Variants in AMOTL2 observed in about 807,000 individuals in gnomAD.
AMOTL2 encodes the protein angiomotin like 2, also known as angiomotin-like protein 2.
In AMOTL2, 33 loss-of-function variants were observed where a neutral mutation model predicts 78.4. The observed-to-expected ratio is 0.42, with a 90% CI of 0.32 to 0.56. The LOEUF (loss-of-function observed/expected upper bound fraction) is 0.56, where lower values mean the gene tolerates loss of function less well. Among genes scored for constraint, AMOTL2 ranks in the 20% least tolerant of loss-of-function variants. The pLI is 0.12. For missense variants in AMOTL2, 983 were observed against 1,030.1 expected (o/e 0.95, Z 0.63); for synonymous variants, 422 against 428.8 (o/e 0.98, Z 0.20).
chr3:134,359,546 T>C, intron 7 of AMOTL2, 43 bp from the exon 8 acceptor site: 1 of 1,497,322 alleles, frequency 6.7e-7, no homozygotes, highest in Non-Finnish European at 9.2e-7. Flanking sequence ...GACCCACAGA[T>C]CCAACAGCCT....
chr3:134,366,154 C>T, intron 4 of AMOTL2, 129 bp downstream of exon 4: 1 of 1,328,862 alleles, frequency 7.5e-7, no homozygotes, highest in Non-Finnish European at 1.0e-6. Flanking sequence ...CCAAAGGGGT[C>T]TCAGCCTGGC....
In AMOTL2 at chr3:134,367,672, C is replaced by T. The variant is rs779236127; in HGVS notation, c.866G>A (p.Ser289Asn). 2 of 1,613,414 alleles carry T rather than the reference C, an allele frequency of 1.2e-6. No individual in the cohort carries two copies. Among genetic ancestry groups the T allele is most frequent in the East Asian group, 4.5e-5 (2 of 44,874 alleles). The change falls in exon 3 of 10, where the codon AGT (serine) becomes AAT (asparagine). Residue 289 changes from serine to asparagine, a missense_variant. Transcript: ENST00000249883. ...CACTGGCCCCTCCACAGCAGGTGGA[C>T]TGAGGGAGCTCAGGGGGCCATGGCC... ...ALGHGPLSSL[S>N]PPAVEGPVSA...
At chr3:134,359,967 C>T (rs1423458146) in intron 7 of AMOTL2, 139 bp downstream of exon 7, 3 of 935,436 alleles carry the variant, frequency 3.2e-6, no homozygotes, top group Non-Finnish European at 4.7e-6. Context: ...GCCAATCATG[C>T]AGGTTCAGCT....
At position 134,371,155 on chromosome 3, in the gene AMOTL2, C is replaced by T. The variant is rs2017843006; in HGVS notation, c.279G>A (p.Arg93=). The part of the protein sequence containing the change: ...ENHLAENTLY[R]LCPQPSKGEE... ...CTCCCTTGCTGGGCTGTGGGCATAG[C>T]CGGTAGAGGGTGTTCTCTGCCAGGT... Residue 93 remains arginine, a synonymous_variant, in exon 2 of 10, where the codon CGG becomes CGA. Transcript: ENST00000249883. The T allele has an allele frequency of 6.2e-7, 1 of 1,613,760 alleles. No individual in the cohort carries two copies. The highest frequency in any genetic ancestry group is 1.7e-5 in the Admixed American group (1 of 59,976).
upstream of AMOTL2, chr3:134,375,356 G>T: frequency 1.0e-6 from 1 of 981,254 alleles, no homozygotes; most frequent in Non-Finnish European, 1.6e-6. Context: ...TCCCTGTGTT[G>T]TAAATGAGGA....
intron 7 of AMOTL2, 38 bp from the exon 8 acceptor site, chr3:134,359,541 A>G (rs747982630): frequency 2.0e-6 from 3 of 1,526,056 alleles, no homozygotes; most frequent in Non-Finnish European, 2.7e-6. Context: ...TGTCAGACCC[A>G]CAGATCCAAC....
intron 5 of AMOTL2, among the ~76,000 whole-genome samples, chr3:134,365,190 A>C (rs1474384457): frequency 2.1e-5 from 3 of 143,498 alleles, no homozygotes; most frequent in South Asian, 2.1e-4. Flanking sequence ...GCCTGCTCCC[A>C]TTCTCTCTTG....
intron 5 of AMOTL2, among the ~76,000 whole-genome samples, chr3:134,363,787 G>C (rs1366481423): frequency 6.6e-6 from 1 of 152,174 alleles, no homozygotes; most frequent in Non-Finnish European, 1.5e-5. Flanking sequence ...AGCTACTAGG[G>C]AGCAAGGAAG....
intron 3 of AMOTL2, chr3:134,366,744 A>G (rs2017622672): frequency 3.9e-6 from 1 of 254,528 alleles, no homozygotes; most frequent in African/African-American, 2.3e-5. Flanking sequence ...GTCCAGAAGG[A>G]AACATTCTAC....
chr3:134,367,854 C>G, intron 2 of AMOTL2, 51 bp from the exon 3 acceptor site: 1 of 1,585,020 alleles, frequency 6.3e-7, no homozygotes, highest in South Asian at 1.1e-5. Context: ...CCTCATGGCT[C>G]CCACCAGAGC....
In AMOTL2 at chr3:134,367,785, C is replaced by A; in HGVS notation, c.753G>T (p.Val251=). ...HAEVRILQAQ[V]PPVFLQQQQQ... ...GCTGCTGTTGGAGGAACACAGGAGG[C>A]ACCTGGGCCTGCAGGATCCTGGGGA... The change falls in exon 3 of 10, where the codon GTG becomes GTT. Residue 251 remains valine, a synonymous_variant. Transcript: ENST00000249883. The A allele has an allele frequency of 6.2e-7, 1 of 1,613,536 alleles. No homozygotes were observed. Among genetic ancestry groups the A allele is most frequent in the Non-Finnish European group, 8.5e-7 (1 of 1,179,982 alleles).
intron 1 of AMOTL2, 162 bp from the exon 2 acceptor site, chr3:134,371,656 G>A (rs1240065591): frequency 1.7e-6 from 2 of 1,175,836 alleles, no homozygotes; most frequent in Non-Finnish European, 1.1e-6. Context: ...TACCAGTGCT[G>A]CCATCTACTG....
intron 2 of AMOTL2, 46 bp downstream of exon 2, chr3:134,370,654 C>T: frequency 6.7e-7 from 1 of 1,501,028 alleles, no homozygotes; most frequent in Non-Finnish European, 8.9e-7. Flanking sequence ...GAGACCTGTG[C>T]TGGAAGAAAG....
intron 6 of AMOTL2, among the ~76,000 whole-genome samples, chr3:134,361,184 C>G (rs1208097534): frequency 6.6e-6 from 1 of 151,458 alleles, no homozygotes. Flanking sequence ...AAAAAAAAAG[C>G]TCGCAGGCCT....
At position 134,370,935 on chromosome 3, in the gene AMOTL2, G is replaced by A; in HGVS notation, c.499C>T (p.Leu167=). Reference sequence around the variant, plus strand: ...GGGGCCCGGGCGCCGTTCCTCTCCAGGGACAACTGAAGGAGCCGTTCACTC... The same window carrying A: ...GGGGCCCGGGCGCCGTTCCTCTCCAAGGACAACTGAAGGAGCCGTTCACTC... ...SLSERLLQLS[L]ERNGARAPSH... The change falls in exon 2 of 10, where the codon CTG becomes TTG. Residue 167 remains leucine (L), a synonymous_variant. Transcript: ENST00000249883. 1 of 1,612,018 alleles carries A rather than the reference G, an allele frequency of 6.2e-7. No homozygotes were observed. The highest frequency in any genetic ancestry group is 1.7e-5 in the Admixed American group (1 of 59,780).
chr3:134,373,493 C>T (rs529311266), intron 1 of AMOTL2: 328 of 985,448 alleles, frequency 3.3e-4, no homozygotes, highest in Non-Finnish European at 3.8e-4. Flanking sequence ...CAAAAACCTG[C>T]TTCCGCGCCC....
In AMOTL2 at chr3:134,366,340, G is replaced by T. The variant is rs530092627; in HGVS notation, c.1129C>A (p.Arg377=). The change falls in exon 4 of 10, where the codon CGG becomes AGG. Residue 377 remains arginine (R), a synonymous_variant. Transcript: ENST00000249883. The stretch of plus-strand genomic sequence containing the variant: ...CTCATTTCACTGTCCATCTTGTTCC[G>T]CATGGTCTTCTCCAGGGCCTCACGC... The part of the protein sequence containing the change: ...SKREALEKTM[R]NKMDSEMRRL... 6.2e-7 allele frequency: 1 copy of T among 1,614,082 alleles called. No individual in the cohort carries two copies. The highest frequency in any genetic ancestry group is 2.2e-5 in the East Asian group (1 of 44,868).
chr3:134,358,768 T>C, intron 8 of AMOTL2, 49 bp from the exon 9 acceptor site: 1 of 1,606,598 alleles, frequency 6.2e-7, no homozygotes, highest in South Asian at 1.1e-5. Context: ...GATGTGGCCC[T>C]GGTGAAGGAC....
At chr3:134,371,673 AC>A in intron 1 of AMOTL2, 179 bp from the exon 2 acceptor site, 1 of 970,746 alleles carries the variant, frequency 1.0e-6, no homozygotes, top group Non-Finnish European at 1.4e-6. Context: ...ACTGATTAAG[AC>A]AAGTTACCTA....
Sources: allele counts gnomAD v4.1 joint callset (sites outside exome capture counted in the v4.1 genomes callset), GRCh38; gene constraint gnomAD v4.1.1; transcripts MANE v1.5; gene names NCBI Gene and HGNC (gene_info 2026-07-23, HGNC 2026-07-21).